Variants in PRKN observed in about 807,000 individuals in gnomAD.
PRKN encodes the protein E3 ubiquitin-protein ligase parkin.
A neutral mutation model predicts 59.5 loss-of-function variants in PRKN; 56 were observed. The observed-to-expected ratio is 0.94, with a 90% confidence interval of 0.76 to 1.18. The LOEUF is 1.18. Ranked by LOEUF, PRKN falls within the 50% of genes most tolerant of loss-of-function variation. The probability of loss-of-function intolerance (pLI) is 0.00; values close to 1 mark genes in which losing one functional copy is unlikely to be tolerated. For synonymous variants in PRKN, 250 were observed against 222.1 expected, an observed-to-expected ratio of 1.13 and a Z score of -1.12; for missense variants, 657 against 596.4, an observed-to-expected ratio of 1.10 and a Z score of -1.06.
intron 4 of PRKN, among the ~76,000 whole-genome samples, chr6:162,113,063 G>A (rs1166316820): frequency 6.6e-6 from 1 of 152,154 alleles, no homozygotes; most frequent in Non-Finnish European, 1.5e-5. Flanking sequence ...CAGTCTTCAA[G>A]TTCATGTTAC....
intron 1 of PRKN, among the ~76,000 whole-genome samples, chr6:162,514,079 A>G (rs914373958): frequency 1.3e-5 from 2 of 152,098 alleles, no homozygotes; most frequent in Non-Finnish European, 2.9e-5. Flanking sequence ...AAATTAACCT[A>G]AAAACTAAAA....
intron 6 of PRKN, among the ~76,000 whole-genome samples, chr6:161,823,770 C>T (rs938468341): frequency 3.3e-5 from 5 of 152,274 alleles, no homozygotes; most frequent in South Asian, 2.1e-4. Flanking sequence ...GGTTTTTCTG[C>T]GAACTGCTGA....
At chr6:162,659,038 A>G (rs1259042057) in intron 1 of PRKN, among the ~76,000 whole-genome samples, 1 of 152,336 alleles carries the variant, frequency 6.6e-6, no homozygotes, top group Non-Finnish European at 1.5e-5. Flanking sequence ...CATAGGTAAT[A>G]GTGGCTTTAG....
intron 2 of PRKN, among the ~76,000 whole-genome samples, chr6:162,273,229 GAGGGAGTAGGGAAATGGGTTAA>G (rs995909978): frequency 1.3e-5 from 2 of 152,096 alleles, no homozygotes; most frequent in African/African-American, 4.8e-5. Flanking sequence ...GGTTACCTAT[GAGGGAGTAGGGAAATGGGTTAA>G]AGGGATCGAA....
At position 161,953,747 on chromosome 6, in the gene PRKN, C is replaced by A. The variant is rs144543643; in HGVS notation, c.734+19555G>T. On this transcript the variant is annotated intron_variant, in intron 6 of 11. Coordinates refer to ENST00000366898, the MANE Select transcript of PRKN (RefSeq NM_004562.3). ...AGCATTCTACACACACATGTACATTCCGAACACATCAGCAGGAAGACTGGG... is the reference window on the plus strand; with the variant it reads ...AGCATTCTACACACACATGTACATTACGAACACATCAGCAGGAAGACTGGG... 5.9e-5 allele frequency among the ~76,000 whole-genome samples: 9 copies of A among 152,274 alleles called. No individual in the cohort carries two copies. In the East Asian group the frequency reaches 1.7e-3, roughly 29 times the overall value.
intron 7 of PRKN, among the ~76,000 whole-genome samples, chr6:161,587,129 C>G (rs1350172097): frequency 6.6e-6 from 1 of 152,190 alleles, no homozygotes; most frequent in African/African-American, 2.4e-5. Flanking sequence ...TACTTACACA[C>G]CACAAAATTG....
At chr6:162,063,673 T>C (rs183099680) in intron 4 of PRKN, among the ~76,000 whole-genome samples, 1 of 152,060 alleles carries the variant, frequency 6.6e-6, no homozygotes, top group East Asian at 1.9e-4. Flanking sequence ...GCCTTCCAAG[T>C]AGCTAGGATT....
chr6:161,980,209 A>G (rs1410741828), intron 5 of PRKN, among the ~76,000 whole-genome samples: 1 of 152,190 alleles, frequency 6.6e-6, no homozygotes, highest in Non-Finnish European at 1.5e-5. Context: ...ATTGTTTAAC[A>G]ATTATGTTTT....
At position 161,396,668 on chromosome 6, in the gene PRKN, CTG is replaced by C. The variant is rs1360738850; in HGVS notation, c.1084-9793_1084-9792del. On this transcript the variant is annotated intron_variant, in intron 9 of 11. Transcript: ENST00000366898. This position sits in a 1 kb window ranked among gnomAD's most constrained non-coding sequence, Gnocchi z 5.4. The stretch of plus-strand genomic sequence containing the variant: ...ACAATCTGCAGCAAGGCACTAGACT[CTG>C]TAGAAATGATTACGCTACGCCAGTA... Among the ~76,000 whole-genome samples, 2 of 152,218 alleles carry C rather than the reference CTG, an allele frequency of 1.3e-5. No individual in the cohort carries two copies. Among genetic ancestry groups the C allele is most frequent in the Non-Finnish European group, 2.9e-5 (2 of 68,052 alleles).
intron 1 of PRKN, among the ~76,000 whole-genome samples, chr6:162,565,442 G>A (rs1443339720): frequency 1.3e-5 from 2 of 152,128 alleles, no homozygotes; most frequent in Non-Finnish European, 2.9e-5. Context: ...CCGGCACTTT[G>A]GAAGGCTGAG....
At position 161,461,509 on chromosome 6, in the gene PRKN, T is replaced by C. The variant is rs113744863; in HGVS notation, c.1084-74632A>G. On this transcript the variant is annotated intron_variant, in intron 9 of 11. Coordinates refer to ENST00000366898, the MANE Select transcript of PRKN (RefSeq NM_004562.3). This position sits in a 1 kb window ranked among gnomAD's most constrained non-coding sequence, Gnocchi z 5.1. ...GCAGGAAGAGTGTAGGTTGTTCCAG[T>C]AGTTGAGGTAAAGAGTGGGGACCCT... 3.5e-4 allele frequency among the ~76,000 whole-genome samples: 53 copies of C among 151,984 alleles called. No individual in the cohort carries two copies. Among genetic ancestry groups the C allele is most frequent in the African/African-American group, 1.3e-3 (52 of 41,452 alleles).
Position 161,588,604 on chromosome 6 carries a change from C to G in PRKN, c.872-19188G>C, listed in dbSNP as rs2128140093. On this transcript the variant is annotated intron_variant, in intron 7 of 11. Transcript: ENST00000366898. This position sits in a 1 kb window ranked among gnomAD's most constrained non-coding sequence, Gnocchi z 5.0. ...GGGCAAACTGGGAGGTGGGGCTGGACCTCTCGGTGCATACCGTAAAGCCCC... is the reference window on the plus strand; with the variant it reads ...GGGCAAACTGGGAGGTGGGGCTGGAGCTCTCGGTGCATACCGTAAAGCCCC... Among the ~76,000 whole-genome samples, 1 of 152,048 alleles carries G rather than the reference C, an allele frequency of 6.6e-6. No individual in the cohort carries two copies. The highest frequency in any genetic ancestry group is 3.4e-3 in the Middle Eastern group (1 of 294).
chr6:162,656,388 GA>G (rs1398058236), intron 1 of PRKN, among the ~76,000 whole-genome samples: 7 of 152,164 alleles, frequency 4.6e-5, no homozygotes, highest in African/African-American at 1.7e-4. Context: ...GAAGTTATCT[GA>G]CATTTTATGA....
At position 162,120,748 on chromosome 6, in the gene PRKN, T is replaced by C. The variant is rs189612185; in HGVS notation, c.535-66574A>G. ...GATATTAAACCAGAGCCAGGAGGCT[T>C]CTAAAATATGACCTTCCTACCAGAG... On this transcript the variant is annotated intron_variant, in intron 4 of 11. Coordinates refer to ENST00000366898, the MANE Select transcript of PRKN (RefSeq NM_004562.3). Among the ~76,000 whole-genome samples, 260 of 152,298 alleles carry C rather than the reference T, an allele frequency of 1.7e-3. 1 individual carries two copies. The highest frequency in any genetic ancestry group is 1.5e-3 in the Non-Finnish European group (103 of 68,030).
At chr6:162,656,704 C>T (rs1313673012) in intron 1 of PRKN, among the ~76,000 whole-genome samples, 2 of 152,110 alleles carry the variant, frequency 1.3e-5, no homozygotes, top group Admixed American at 1.3e-4. Context: ...TTATGACCAC[C>T]ACCATCCCAA....
chr6:161,820,598 T>A (rs1791981412), intron 6 of PRKN, among the ~76,000 whole-genome samples: 1 of 147,736 alleles, frequency 6.8e-6, no homozygotes, highest in South Asian at 2.1e-4. Flanking sequence ...ATATTACAAA[T>A]ATAATTACAT....
intron 6 of PRKN, among the ~76,000 whole-genome samples, chr6:161,836,034 G>A (rs1018218741): frequency 2.0e-5 from 3 of 152,024 alleles, no homozygotes; most frequent in Non-Finnish European, 2.9e-5. Flanking sequence ...AAGATGACAG[G>A]CTTTTTTCTT....
intron 6 of PRKN, among the ~76,000 whole-genome samples, chr6:161,911,483 G>T (rs946173058): frequency 6.6e-6 from 1 of 152,162 alleles, no homozygotes; most frequent in African/African-American, 2.4e-5. Flanking sequence ...CAGAACTCCT[G>T]CAACTCGCCA....
At chr6:161,908,698 C>T (rs1173907125) in intron 6 of PRKN, among the ~76,000 whole-genome samples, 2 of 150,942 alleles carry the variant, frequency 1.3e-5, no homozygotes, top group Non-Finnish European at 2.9e-5. Flanking sequence ...ATAATTTGGA[C>T]AGACAAAATT....
Sources: allele counts gnomAD v4.1 joint callset (sites outside exome capture counted in the v4.1 genomes callset), GRCh38; gene constraint gnomAD v4.1.1; non-coding constraint Gnocchi (gnomAD v3.1); transcripts MANE v1.5; gene names NCBI Gene and HGNC (gene_info 2026-07-23, HGNC 2026-07-21).